The following STARD13 variants were observed in gnomAD, a reference collection of about 807,000 sequenced individuals.
STARD13 encodes the protein stAR-related lipid transfer protein 13.
STARD13 carries 62 observed loss-of-function variants against 106.4 expected under a neutral mutation model. The ratio of observed to expected loss-of-function variants is 0.58; its 90% CI spans 0.48 to 0.72. The LOEUF (loss-of-function observed/expected upper bound fraction) is 0.72. STARD13 is among the 30% of genes least tolerant of loss of function. The pLI, the probability that STARD13 is intolerant of heterozygous loss-of-function variation, is 0.00. For synonymous variants in STARD13, 565 were observed against 553.0 expected, an observed-to-expected ratio of 1.02 and a Z score of -0.31; for missense variants, 1,387 against 1,424.0, an observed-to-expected ratio of 0.97 and a Z score of 0.42.
At chr13:33,242,258 C>A (rs1320835859) in intron 1 of STARD13, among the ~76,000 whole-genome samples, 1 of 152,172 alleles carries the variant, frequency 6.6e-6, no homozygotes, top group Non-Finnish European at 1.5e-5. Context: ...GTGTACCCAA[C>A]AGCTCATTGA....
intron 1 of STARD13, among the ~76,000 whole-genome samples, chr13:33,209,969 C>T (rs1421854187): frequency 6.6e-6 from 1 of 152,152 alleles, no homozygotes; most frequent in Non-Finnish European, 1.5e-5. Context: ...AAGATCCTGT[C>T]TTGAAAAACA....
the STARD13 span, among the ~76,000 whole-genome samples, chr13:33,521,526 GC>G: frequency 6.6e-6 from 1 of 152,046 alleles, no homozygotes; most frequent in Admixed American, 6.6e-5. Flanking sequence ...TGCCACATGG[GC>G]CCCAGCTTGC....
At chr13:33,534,432 A>T in the STARD13 span, among the ~76,000 whole-genome samples, 1 of 152,220 alleles carries the variant, frequency 6.6e-6, no homozygotes, top group Non-Finnish European at 1.5e-5. Flanking sequence ...GACAGAAAGA[A>T]GTGTGTATTT....
At chr13:33,447,333 ATGC>A in the STARD13 span, among the ~76,000 whole-genome samples, 1 of 152,214 alleles carries the variant, frequency 6.6e-6, no homozygotes, top group African/African-American at 2.4e-5. Context: ...GCTGAGCATG[ATGC>A]TGCTGCAACA....
intron 1 of STARD13, among the ~76,000 whole-genome samples, chr13:33,312,497 T>C (rs1446176691): frequency 6.6e-6 from 1 of 152,160 alleles, no homozygotes; most frequent in Non-Finnish European, 1.5e-5. Flanking sequence ...TTTGCGTGAC[T>C]CTACATTTCC....
the STARD13 span, among the ~76,000 whole-genome samples, chr13:33,425,722 T>A: frequency 6.6e-6 from 1 of 152,144 alleles, no homozygotes; most frequent in East Asian, 1.9e-4. Flanking sequence ...CAGAAAGCAG[T>A]TTTTACATGG....
chr13:33,338,223 T>C (rs888227906), intron 1 of STARD13, among the ~76,000 whole-genome samples: 1 of 152,182 alleles, frequency 6.6e-6, no homozygotes, highest in Admixed American at 6.5e-5. Flanking sequence ...GACCAACCCA[T>C]GAAATCCAGA....
At chr13:33,575,447 A>G in the STARD13 span, among the ~76,000 whole-genome samples, 3 of 152,144 alleles carry the variant, frequency 2.0e-5, no homozygotes, top group Non-Finnish European at 4.4e-5. Flanking sequence ...GCCAAGTGCT[A>G]TGGTTTGGAT....
chr13:33,166,512 T>A (rs1883331207), intron 2 of STARD13, among the ~76,000 whole-genome samples: 1 of 152,180 alleles, frequency 6.6e-6, no homozygotes, highest in Admixed American at 6.5e-5. Context: ...CCCCCTGTCC[T>A]GCCTGCACCT....
At chr13:33,438,132 T>A in the STARD13 span, among the ~76,000 whole-genome samples, 1 of 152,218 alleles carries the variant, frequency 6.6e-6, no homozygotes, top group Non-Finnish European at 1.5e-5. Flanking sequence ...TTTTACATGG[T>A]GAAAAATATT....
chr13:33,110,806 C>T lies in STARD13; in HGVS notation c.2709G>A (p.Gly903=). 2 of 1,614,138 alleles carry T rather than the reference C, an allele frequency of 1.2e-6. No homozygotes were observed. Among genetic ancestry groups the T allele is most frequent in the South Asian group, 2.2e-5 (2 of 91,084 alleles). ...GGTTCAGGTAAGTGTGGAAAGTTGCCCCACTCTCCTCCAGCTGTGTCCCCA... is the reference window on the plus strand; with the variant it reads ...GGTTCAGGTAAGTGTGGAAAGTTGCTCCACTCTCCTCCAGCTGTGTCCCCA... The part of the protein sequence containing the change: ...EELGTQLEES[G]ATFHTYLNHL... The change falls in exon 11 of 14, where the codon GGG becomes GGA. Residue 903 remains glycine, a synonymous_variant. Transcript: ENST00000336934.
intron 1 of STARD13, among the ~76,000 whole-genome samples, chr13:33,245,294 T>C (rs989355225): frequency 2.6e-5 from 4 of 152,314 alleles, no homozygotes; most frequent in African/African-American, 9.6e-5. Context: ...TTTTATAAAA[T>C]CAGAGTAAAC....
rs1286456904 is a variant in STARD13 at position 33,130,431 on chromosome 13, C to A, written c.388-142G>T. 4 of 748,672 alleles carry A rather than the reference C, an allele frequency of 5.3e-6. No individual in the cohort carries two copies. Among genetic ancestry groups the A allele is most frequent in the Non-Finnish European group, 8.6e-6 (4 of 466,052 alleles). 46.4% of individuals were successfully genotyped at this position (748,672 alleles called of 1,614,324 possible). On this transcript the variant is annotated intron_variant, in intron 4 of 13. Coordinates refer to ENST00000336934, the MANE Select transcript of STARD13 (RefSeq NM_178006.4). This position sits in a 1 kb window ranked among gnomAD's most constrained non-coding sequence, Gnocchi z 4.1. ...GCACAGGTGTGAGCTTCTTGGGCAC[C>A]TCTAAGCTGTCCTTCTACCACTTGC...
At chr13:33,549,826 C>T in the STARD13 span, among the ~76,000 whole-genome samples, 42 of 152,194 alleles carry the variant, frequency 2.8e-4, no homozygotes, top group African/African-American at 9.9e-4. Context: ...CCTTCAAAGT[C>T]ACCACTTTGT....
chr13:33,389,207 C>T, the STARD13 span, among the ~76,000 whole-genome samples: 3 of 152,062 alleles, frequency 2.0e-5, no homozygotes, highest in African/African-American at 7.3e-5. Context: ...ATCTGCCTGC[C>T]TTGGCCTCCC....
At chr13:33,650,352 G>A in the STARD13 span, among the ~76,000 whole-genome samples, 2 of 149,814 alleles carry the variant, frequency 1.3e-5, no homozygotes, top group Non-Finnish European at 3.0e-5. Context: ...CACTACGCCC[G>A]GCTAATTTTT....
chr13:33,650,223 C>T, the STARD13 span, among the ~76,000 whole-genome samples: 1 of 101,952 alleles, frequency 9.8e-6, no homozygotes, highest in Admixed American at 1.5e-4. Context: ...CGGCATCTCA[C>T]TCTGTCACCC....
intron 8 of STARD13, 95 bp downstream of exon 8, chr13:33,117,970 A>G (rs1347088174): frequency 8.9e-6 from 14 of 1,570,584 alleles, no homozygotes; most frequent in Non-Finnish European, 9.5e-6. Context: ...GGATTGATGT[A>G]TTATTCGTAT....
At chr13:33,541,595 T>A in the STARD13 span, among the ~76,000 whole-genome samples, 83 of 152,212 alleles carry the variant, frequency 5.5e-4, no homozygotes, top group Non-Finnish European at 6.9e-4. Flanking sequence ...CTTTCTTATA[T>A]CCTCCGGCCC....
Sources: allele counts gnomAD v4.1 joint callset (sites outside exome capture counted in the v4.1 genomes callset), GRCh38; gene constraint gnomAD v4.1.1; non-coding constraint Gnocchi (gnomAD v3.1); transcripts MANE v1.5; gene names NCBI Gene and HGNC (gene_info 2026-07-23, HGNC 2026-07-21).